The following MAP2 variants were observed in gnomAD, a reference collection of about 807,000 sequenced individuals.
MAP2 encodes the protein microtubule-associated protein 2.
MAP2 carries 14 observed loss-of-function variants against 137.6 expected under a neutral mutation model. The observed-to-expected ratio is 0.10, with a 90% CI of 0.07 to 0.16. MAP2 has a LOEUF of 0.16. Among genes scored for constraint, MAP2 ranks in the 10% least tolerant of loss-of-function variants. The pLI is 1.00. For synonymous variants in MAP2, 786 were observed against 782.3 expected (o/e 1.00, Z -0.08); for missense variants, 2,088 against 2,191.5 (o/e 0.95, Z 0.94).
At chr2:209,550,170 C>T in intron 2 of MAP2, among the ~76,000 whole-genome samples, 1 of 152,084 alleles carries the variant, frequency 6.6e-6, no homozygotes, top group East Asian at 1.9e-4. Flanking sequence ...TGTGATTGCT[C>T]TTGGTATAAG....
chr2:209,669,554 T>C (rs549360842), intron 5 of MAP2, among the ~76,000 whole-genome samples: 1 of 152,212 alleles, frequency 6.6e-6, no homozygotes, highest in South Asian at 2.1e-4. Context: ...ATTTCAAAAG[T>C]TTATTCCAAT....
Position 209,680,820 on chromosome 2 carries a change from G to A in MAP2, c.447G>A (p.Val149=), listed in dbSNP as rs748829123. 6.2e-7 allele frequency: 1 copy of A among 1,613,278 alleles called. No individual in the cohort carries two copies. Among genetic ancestry groups the A allele is most frequent in the African/African-American group, 1.3e-5 (1 of 74,866 alleles). ...PSPASEQTVT[V]EEDLLTASKM... is the part of the protein sequence containing the mutation. ...CTGCCTCAGAACAGACTGTCACAGT[G>A]GAGGAAGGTAAGGCCTATTGGACTT... is the stretch of plus-strand genomic sequence containing the variant. The change falls in exon 7 of 16, where the codon GTG becomes GTA. Residue 149 remains valine, a synonymous_variant. Transcript: ENST00000682079.
chr2:209,715,219 A>T (rs575796710), intron 13 of MAP2, among the ~76,000 whole-genome samples: 6 of 150,698 alleles, frequency 4.0e-5, no homozygotes, highest in Non-Finnish European at 7.4e-5. Context: ...AATAGAAGCT[A>T]GTTAGCTTTT....
chr2:209,572,697 T>C (rs1191204298), intron 2 of MAP2, among the ~76,000 whole-genome samples: 1 of 152,196 alleles, frequency 6.6e-6, no homozygotes, highest in Non-Finnish European at 1.5e-5. Flanking sequence ...TGTTCCTCAG[T>C]AATAAATTTG....
chr2:209,589,999 G>A (rs1376928758), intron 3 of MAP2, among the ~76,000 whole-genome samples: 1 of 152,052 alleles, frequency 6.6e-6, no homozygotes, highest in Non-Finnish European at 1.5e-5. Flanking sequence ...ATGACCTCAG[G>A]AGCTGCTGAG....
chr2:209,646,252 A>G (rs1342189488), intron 4 of MAP2, among the ~76,000 whole-genome samples: 1 of 152,212 alleles, frequency 6.6e-6, no homozygotes, highest in Non-Finnish European at 1.5e-5. Context: ...AGGTTATCTT[A>G]TTTCTAAATT....
chr2:209,698,962 G>C (rs1268191416), intron 10 of MAP2, among the ~76,000 whole-genome samples: 1 of 152,122 alleles, frequency 6.6e-6, no homozygotes, highest in East Asian at 1.9e-4. Flanking sequence ...CATGTCATTG[G>C]TATTCAATTT....
intron 1 of MAP2, among the ~76,000 whole-genome samples, chr2:209,499,684 CA>C (rs1408676396): frequency 6.6e-6 from 1 of 152,078 alleles, no homozygotes; most frequent in Non-Finnish European, 1.5e-5. Flanking sequence ...GGGGAGGCCT[CA>C]GGGGGCTTTT....
intron 7 of MAP2, among the ~76,000 whole-genome samples, chr2:209,687,042 C>T (rs999293849): frequency 2.0e-5 from 3 of 151,788 alleles, no homozygotes; most frequent in Admixed American, 6.6e-5. Context: ...CTAGGTACTA[C>T]ATTAGCCTTA....
intron 2 of MAP2, among the ~76,000 whole-genome samples, chr2:209,555,902 A>C (rs2070449495): frequency 6.6e-6 from 1 of 152,204 alleles, no homozygotes; most frequent in South Asian, 2.1e-4. Flanking sequence ...CAGGCCTGGC[A>C]TCCAGAAAGA....
intron 1 of MAP2, among the ~76,000 whole-genome samples, chr2:209,432,095 C>T (rs1175618008): frequency 6.6e-6 from 1 of 152,132 alleles, no homozygotes; most frequent in Non-Finnish European, 1.5e-5. Flanking sequence ...AAACTTGGCT[C>T]AACATATAAG....
At position 209,596,270 on chromosome 2, in the gene MAP2, C is replaced by T. The variant is rs369991589; in HGVS notation, c.-107+16170C>T. On this transcript the variant is annotated intron_variant, in intron 3 of 15. Transcript: ENST00000682079. ...GGATATGATAAAATGTGTATTTTCC[C>T]TAAATTATTAAAACACAGCATCTTT... 4.6e-5 allele frequency among the ~76,000 whole-genome samples: 7 copies of T among 152,206 alleles called. No individual in the cohort carries two copies. In the East Asian group the frequency reaches 7.7e-4, roughly 17 times the overall value.
chr2:209,607,085 G>A (rs997563455), intron 3 of MAP2, among the ~76,000 whole-genome samples: 1 of 152,076 alleles, frequency 6.6e-6, no homozygotes, highest in Non-Finnish European at 1.5e-5. Context: ...TCACCAACAT[G>A]TTTCTATGTT....
At chr2:209,503,997 G>A (rs1160945544) in intron 1 of MAP2, among the ~76,000 whole-genome samples, 2 of 152,024 alleles carry the variant, frequency 1.3e-5, no homozygotes, top group Non-Finnish European at 2.9e-5. Flanking sequence ...TCAGGAGGCT[G>A]AGGCAGGAGA....
chr2:209,494,752 G>A (rs1194607157), intron 1 of MAP2, among the ~76,000 whole-genome samples: 2 of 152,068 alleles, frequency 1.3e-5, no homozygotes, highest in Non-Finnish European at 2.9e-5. Flanking sequence ...AATAAATATT[G>A]CCATCTTCCA....
intron 2 of MAP2, among the ~76,000 whole-genome samples, chr2:209,520,928 C>T (rs2063183259): frequency 6.6e-6 from 1 of 151,962 alleles, no homozygotes; most frequent in East Asian, 1.9e-4. Context: ...GGAGATGTGG[C>T]AGTATTTTTG....
intron 1 of MAP2, among the ~76,000 whole-genome samples, chr2:209,494,394 C>A (rs1162074690): frequency 1.3e-5 from 2 of 151,074 alleles, no homozygotes; most frequent in East Asian, 3.9e-4. Context: ...AACAAACCTG[C>A]ATGTTCTGCC....
chr2:209,626,890 G>C (rs1184824016), intron 4 of MAP2, among the ~76,000 whole-genome samples: 1 of 152,016 alleles, frequency 6.6e-6, no homozygotes, highest in South Asian at 2.1e-4. Flanking sequence ...TGTTAAAATG[G>C]TTTAAGCATG....
At position 209,731,728 on chromosome 2, in the gene MAP2, C is replaced by G. The variant is rs2075801100; in HGVS notation, c.*1331C>G. 1 of 152,066 alleles carries G rather than the reference C, an allele frequency of 6.6e-6. No individual in the cohort carries two copies. Among genetic ancestry groups the G allele is most frequent in the Non-Finnish European group, 1.5e-5 (1 of 67,990 alleles). 9.4% of individuals were successfully genotyped at this position (152,066 alleles called of 1,614,324 possible). A position where few individuals can be genotyped will look rare whatever the true frequency, so the allele number is the denominator to read the frequency against. ...AAATAGTATCTGTTTATTAAATTCT[C>G]TAATAGAAGATGTTTGTCTTTCTTA... On this transcript the variant is annotated 3_prime_UTR_variant, in exon 16 of 16. Transcript: ENST00000682079.
Sources: gnomAD v4.1 joint callset for allele counts (sites outside exome capture counted in the v4.1 genomes callset) on GRCh38, gnomAD v4.1.1 for gene constraint, MANE v1.5 for transcripts, NCBI Gene and HGNC (gene_info 2026-07-23, HGNC 2026-07-21) for gene names.